ANKRD52: variants seen among roughly 807,000 people sequenced by gnomAD.
ANKRD52 encodes ankyrin repeat domain 52, also known as serine/threonine-protein phosphatase 6 regulatory ankyrin repeat subunit C.
Under a neutral mutation model 116.0 loss-of-function variants are expected in ANKRD52, and 7 were observed. The ratio of observed to expected loss-of-function variants is 0.06; its 90% CI spans 0.03 to 0.11. The LOEUF (loss-of-function observed/expected upper bound fraction) is 0.11, where lower values mean the gene tolerates loss of function less well. Ranked by LOEUF, ANKRD52 falls within the 10% of genes least tolerant of loss-of-function variation. The probability of loss-of-function intolerance (pLI) is 1.00; values close to 1 mark genes in which losing one functional copy is unlikely to be tolerated. For missense variants in ANKRD52, 839 were observed against 1,408.6 expected (o/e 0.60, Z 6.47); for synonymous variants, 528 against 578.1 (o/e 0.91, Z 1.24).
At chr12:56,245,891 A>G (rs1370697331) in intron 20 of ANKRD52, among the ~76,000 whole-genome samples, 4 of 140,640 alleles carry the variant, frequency 2.8e-5, no homozygotes, top group African/African-American at 1.1e-4. Context: ...ATTTTTTTGT[A>G]TTTTTAGTAG....
At position 56,248,260 on chromosome 12, in the gene ANKRD52, G is replaced by A; in HGVS notation, c.1777-36C>T. The A allele has an allele frequency of 6.2e-7, 1 of 1,606,606 alleles. No homozygotes were observed. The highest frequency in any genetic ancestry group is 8.5e-7 in the Non-Finnish European group (1 of 1,175,292). ...GCAGGCAACCAGTGCACACAGCTCG[G>A]GACCTTCCCTGCTCCTCCCTTCCCC... On this transcript the variant is annotated intron_variant, in intron 17 of 27. Transcript: ENST00000267116. The surrounding 1 kb of genome is among the most constrained non-coding windows in gnomAD (Gnocchi z 5.1).
chr12:56,253,444 G>T lies in ANKRD52; in HGVS notation c.986-42C>A. On this transcript the variant is annotated intron_variant, in intron 9 of 27. Coordinates refer to ENST00000267116, the MANE Select transcript of ANKRD52 (RefSeq NM_173595.4). The surrounding 1 kb of genome is among the most constrained non-coding windows in gnomAD (Gnocchi z 5.5). ...ACACACAAGCTCAGGCAGACCTCAG[G>T]CTTAAGACCACTTTCGCGAGCTAGC... 1 of 1,502,318 alleles carries T rather than the reference G, an allele frequency of 6.7e-7. No individual in the cohort carries two copies. The highest frequency in any genetic ancestry group is 9.2e-7 in the Non-Finnish European group (1 of 1,081,970). 93.1% of individuals were successfully genotyped at this position (1,502,318 alleles called of 1,614,324 possible). A position where few individuals can be genotyped will look rare whatever the true frequency, so the allele number is the denominator to read the frequency against.
chr12:56,246,033 ATTCT>A (rs1248014656), intron 20 of ANKRD52, among the ~76,000 whole-genome samples: 2 of 146,250 alleles, frequency 1.4e-5, no homozygotes, highest in Non-Finnish European at 3.0e-5. Context: ...TACAACAATA[ATTCT>A]TTCTTTTTTT....
At position 56,245,809 on chromosome 12, in the gene ANKRD52, G is replaced by A. The variant is rs1222251901; in HGVS notation, c.2185-213C>T. 8.8e-5 allele frequency among the ~76,000 whole-genome samples: 13 copies of A among 147,980 alleles called. No individual in the cohort carries two copies. The East Asian group carries it at 1.4e-3, about 16-fold the overall frequency. ...GGCTCACTGCAACCTCTGCCTCCCC[G>A]GTTCAAGCGATTCTCCTGCCTCAGC... On this transcript the variant is annotated intron_variant, in intron 20 of 27. Coordinates refer to ENST00000267116, the MANE Select transcript of ANKRD52 (RefSeq NM_173595.4).
At position 56,254,496 on chromosome 12, in the gene ANKRD52, C is replaced by A; in HGVS notation, c.693+82G>T. The A allele has an allele frequency of 6.4e-7, 1 of 1,559,790 alleles. No individual in the cohort carries two copies. Among genetic ancestry groups the A allele is most frequent in the South Asian group, 1.2e-5 (1 of 84,262 alleles). On this transcript the variant is annotated intron_variant, in intron 7 of 27. Coordinates refer to ENST00000267116, the MANE Select transcript of ANKRD52 (RefSeq NM_173595.4). The surrounding 1 kb of genome is among the most constrained non-coding windows in gnomAD (Gnocchi z 4.6). ...AACTTCCCAAAACTATACCAACATC[C>A]CAATACCTCATATCTCCGTAACAGA...
chr12:56,245,618 G>A (rs1452937702), intron 20 of ANKRD52, 22 bp from the exon 21 acceptor site: 1 of 1,597,498 alleles, frequency 6.3e-7, no homozygotes, highest in East Asian at 2.2e-5. Flanking sequence ...ATGGGGGTGT[G>A]AGGGGGATGA....
In ANKRD52 at chr12:56,254,466, C is replaced by T. The variant is rs1212437437; in HGVS notation, c.693+112G>A. The T allele has an allele frequency of 4.0e-6, 6 of 1,510,804 alleles. No homozygotes were observed. The highest frequency in any genetic ancestry group is 1.4e-5 in the African/African-American group (1 of 72,498). The allele number at this position is 1,510,804 out of a possible 1,614,324, so 93.6% of individuals were successfully genotyped here. ...TTATTCAGACCCTCTCTACCACGTC[C>T]TTCCAACTTCCCAAAACTATACCAA... is the stretch of plus-strand genomic sequence containing the variant. On this transcript the variant is annotated intron_variant, in intron 7 of 27. Coordinates refer to ENST00000267116, the MANE Select transcript of ANKRD52 (RefSeq NM_173595.4). The surrounding 1 kb of genome is among the most constrained non-coding windows in gnomAD (Gnocchi z 4.6).
In ANKRD52 at chr12:56,248,203, C is replaced by T; in HGVS notation, c.1798G>A (p.Ala600Thr). Reference protein sequence around the residue: ...HLAAYNGHCEALKTLAETLVN... With the variant: ...HLAAYNGHCETLKTLAETLVN... ...AGCGTCTCCGCCAGCGTCTTCAAGG[C>T]TTCACAGTGACCGTTGTAGGCCTGG... is the stretch of plus-strand genomic sequence containing the variant. Residue 600 changes from alanine to threonine, a missense_variant, in exon 18 of 28, where the codon GCC becomes ACC. Around this residue, in one of 2 missense-constraint regions of ANKRD52, gnomAD observed 552 missense variants for 810.6 expected, o/e 0.68. Transcript: ENST00000267116. This position sits in a 1 kb window ranked among gnomAD's most constrained non-coding sequence, Gnocchi z 5.1. 1 of 1,613,882 alleles carries T rather than the reference C, an allele frequency of 6.2e-7. No individual in the cohort carries two copies. Among genetic ancestry groups the T allele is most frequent in the Non-Finnish European group, 8.5e-7 (1 of 1,179,900 alleles).
chr12:56,257,712 A>C, intron 2 of ANKRD52, 116 bp downstream of exon 2: 1 of 1,014,886 alleles, frequency 9.9e-7, no homozygotes, highest in Non-Finnish European at 1.5e-6. Context: ...CCAGGATGGA[A>C]AGAACTGCGG....
In ANKRD52 at chr12:56,244,655, C is replaced by A; in HGVS notation, c.2719G>T (p.Val907Leu). 3 of 1,613,766 alleles carry A rather than the reference C, an allele frequency of 1.9e-6. No individual in the cohort carries two copies. The highest frequency in any genetic ancestry group is 2.5e-6 in the Non-Finnish European group (3 of 1,179,898). The change falls in exon 24 of 28, where the codon GTG (valine) becomes TTG (leucine). Residue 907 changes from valine to leucine, a missense_variant. Transcript: ENST00000267116. The surrounding 1 kb of genome is among the most constrained non-coding windows in gnomAD (Gnocchi z 4.9). ...TCCACAAGTGGCCCCTACACACCCACAGCAGCGGTCTGCCCGTTCTCAGCC... is the reference window on the plus strand; with the variant it reads ...TCCACAAGTGGCCCCTACACACCCAAAGCAGCGGTCTGCCCGTTCTCAGCC... ...TAAENGQTAA[V>L]EFLLYRGKAD...
Position 56,254,072 on chromosome 12 carries a change from A to G in ANKRD52, c.901T>C (p.Tyr301His). Residue 301 changes from tyrosine (Y) to histidine (H), a missense_variant, in exon 8 of 28, where the codon TAC (tyrosine) becomes CAC (histidine). Around this residue, in one of 2 missense-constraint regions of ANKRD52, gnomAD observed 287 missense variants for 598.1 expected, o/e 0.48. Transcript: ENST00000267116. This position sits in a 1 kb window ranked among gnomAD's most constrained non-coding sequence, Gnocchi z 4.6. Reference sequence around the variant, plus strand: ...AGCCTTATCCCTTCAGGCACCTGGTAGTTGACGTCAGCCCCATTATTAACC... The same window carrying G: ...AGCCTTATCCCTTCAGGCACCTGGTGGTTGACGTCAGCCCCATTATTAACC... ...LLVNNGADVN[Y>H]QSKEGKSPLH... The G allele has an allele frequency of 6.2e-7, 1 of 1,613,300 alleles. No individual in the cohort carries two copies. Among genetic ancestry groups the G allele is most frequent in the South Asian group, 1.1e-5 (1 of 91,056 alleles).
Position 56,253,812 on chromosome 12 carries a change from T to C in ANKRD52, c.907-12A>G. The C allele has an allele frequency of 1.2e-6, 2 of 1,613,164 alleles. No individual in the cohort carries two copies. Among genetic ancestry groups the C allele is most frequent in the African/African-American group, 1.3e-5 (1 of 74,898 alleles). On this transcript the variant is annotated splice_polypyrimidine_tract_variant and intron_variant, in intron 8 of 27. Coordinates refer to ENST00000267116, the MANE Select transcript of ANKRD52 (RefSeq NM_173595.4). This position sits in a 1 kb window ranked among gnomAD's most constrained non-coding sequence, Gnocchi z 5.5. ...TTCCCTTCTTTGCTCTGTGGAAACA[T>C]GGTGGGTTTTTGTTTTTGTTTTTTT...
In ANKRD52 at chr12:56,243,268, G is replaced by C; in HGVS notation, c.3105C>G (p.Leu1035=). ...TGGCGGCTGCAATGCTGCAGTTCTT[G>C]AGCAGGCTGAAGCTGAAAGGACTGA... is the stretch of plus-strand genomic sequence containing the variant. The part of the protein sequence containing the change: ...DAVSPFSFSL[L]KNCSIAAAKT... The change falls in exon 28 of 28, where the codon CTC becomes CTG. Residue 1035 remains leucine, a synonymous_variant. Coordinates refer to ENST00000267116, the MANE Select transcript of ANKRD52 (RefSeq NM_173595.4). The surrounding 1 kb of genome is among the most constrained non-coding windows in gnomAD (Gnocchi z 4.6). The C allele has an allele frequency of 6.2e-7, 1 of 1,614,010 alleles. No individual in the cohort carries two copies. Among genetic ancestry groups the C allele is most frequent in the Non-Finnish European group, 8.5e-7 (1 of 1,179,890 alleles).
chr12:56,248,631 A>C lies in ANKRD52; in HGVS notation c.1705-65T>G. ...TCCCAAGATAGTACCCCAGTCCCCG[A>C]CTCGCAGTAATCCCCACTAAGCCTC... On this transcript the variant is annotated intron_variant, in intron 16 of 27. Transcript: ENST00000267116. The surrounding 1 kb of genome is among the most constrained non-coding windows in gnomAD (Gnocchi z 5.1). The C allele has an allele frequency of 4.6e-6, 7 of 1,508,444 alleles. No individual in the cohort carries two copies. The highest frequency in any genetic ancestry group is 6.3e-6 in the Non-Finnish European group (7 of 1,105,730). The allele number at this position is 1,508,444 out of a possible 1,614,324, so 93.4% of individuals were successfully genotyped here.
At position 56,247,759 on chromosome 12, in the gene ANKRD52, G is replaced by A. The variant is rs1352841884; in HGVS notation, c.1994C>T (p.Thr665Ile). 3.7e-6 allele frequency: 6 copies of A among 1,612,300 alleles called. No homozygotes were observed. Among genetic ancestry groups the A allele is most frequent in the Non-Finnish European group, 4.2e-6 (5 of 1,179,176 alleles). Residue 665 changes from threonine to isoleucine, a missense_variant, in exon 19 of 28, where the codon ACT (threonine) becomes ATT (isoleucine). Physicochemically the swap from Thr to Ile is moderately conservative, Grantham distance 89 (BLOSUM62 -1). Transcript: ENST00000267116. ...GTCGATCAGCAAGTGCAGGGAGTCA[G>A]TGTGGCCAGAGGCAGCTAGGGGAAA... ...PLHAAAASGH[T>I]DSLHLLIDSG...
At chr12:56,257,516 C>CA (rs1201773703) in intron 2 of ANKRD52, among the ~76,000 whole-genome samples, 155 bp from the exon 3 acceptor site, 2 of 152,040 alleles carry the variant, frequency 1.3e-5, no homozygotes, top group Non-Finnish European at 2.9e-5. Context: ...CAAAGGCAAG[C>CA]ACCTAGGGAG....
chr12:56,257,104 C>T lies in ANKRD52; in HGVS notation c.191-19G>A. ...TTAGCACCTGTGGGGATATAATTTC[C>T]TATTTTGATGGAAGGTGGGGAGGAG... On this transcript the variant is annotated intron_variant, in intron 3 of 27. Transcript: ENST00000267116. The T allele has an allele frequency of 6.2e-7, 1 of 1,608,824 alleles. No individual in the cohort carries two copies. Among genetic ancestry groups the T allele is most frequent in the Non-Finnish European group, 8.5e-7 (1 of 1,177,586 alleles).
chr12:56,244,389 C>T lies in ANKRD52; in HGVS notation c.2769G>A (p.Glu923=), dbSNP rs1173334034. 1 of 1,613,986 alleles carries T rather than the reference C, an allele frequency of 6.2e-7. No homozygotes were observed. Among genetic ancestry groups the T allele is most frequent in the Non-Finnish European group, 8.5e-7 (1 of 1,179,884 alleles). ...CCAAGTGGAGGGCCGTGTTCTTGTT[C>T]TCATCCAACACAGTAAGGTCTGCCT... is the stretch of plus-strand genomic sequence containing the variant. The part of the protein sequence containing the change: ...RGKADLTVLD[E]NKNTALHLAC... The change falls in exon 25 of 28, where the codon GAG becomes GAA. Residue 923 remains glutamate, a synonymous_variant. Transcript: ENST00000267116. The surrounding 1 kb of genome is among the most constrained non-coding windows in gnomAD (Gnocchi z 4.9).
chr12:56,248,515 C>A lies in ANKRD52; in HGVS notation c.1756G>T (p.Val586Phe), dbSNP rs1309453114. 1.3e-6 allele frequency: 2 copies of A among 1,596,950 alleles called. No individual in the cohort carries two copies. The highest frequency in any genetic ancestry group is 3.5e-5 in the Admixed American group (2 of 57,256). The stretch of plus-strand genomic sequence containing the variant: ...CTCACAGCTAAGTGCAAAGGGCTGA[C>A]TGGAATGGTGCTCTCCACATCCTCC... Reference protein sequence around the residue: ...CLEDVESTIPVSPLHLAAYNG... With the variant: ...CLEDVESTIPFSPLHLAAYNG... Residue 586 changes from valine to phenylalanine, a missense_variant, in exon 17 of 28, where the codon GTC (valine) becomes TTC (phenylalanine). Around this residue, in one of 2 missense-constraint regions of ANKRD52, gnomAD observed 552 missense variants for 810.6 expected, o/e 0.68. Coordinates refer to ENST00000267116, the MANE Select transcript of ANKRD52 (RefSeq NM_173595.4). This position sits in a 1 kb window ranked among gnomAD's most constrained non-coding sequence, Gnocchi z 5.1.
Sources: gnomAD v4.1 joint callset for allele counts (sites outside exome capture counted in the v4.1 genomes callset) on GRCh38, gnomAD v4.1.1 for gene constraint, gnomAD v4.1.1 regional missense constraint, Gnocchi (gnomAD v3.1) non-coding constraint, MANE v1.5 for transcripts, NCBI Gene and HGNC (gene_info 2026-07-23, HGNC 2026-07-21) for gene names.